PRKG1: variants seen among roughly 807,000 people sequenced by gnomAD.
The protein encoded by PRKG1 is cGMP-dependent protein kinase 1.
A neutral mutation model predicts 88.1 loss-of-function variants in PRKG1; 35 were observed. That is an observed-to-expected ratio of 0.40 (90% CI 0.30 to 0.53). The LOEUF (loss-of-function observed/expected upper bound fraction) is 0.53, where lower values mean the gene tolerates loss of function less well. Ranked by LOEUF, PRKG1 falls within the 20% of genes least tolerant of loss-of-function variation. The probability of loss-of-function intolerance (pLI) is 0.59; values close to 1 mark genes in which losing one functional copy is unlikely to be tolerated. For synonymous variants in PRKG1, 303 were observed against 292.5 expected (o/e 1.04, Z -0.37); for missense variants, 540 against 839.8 (o/e 0.64, Z 4.41).
intron 2 of PRKG1, among the ~76,000 whole-genome samples, chr10:51,423,710 A>G (rs1269615010): frequency 6.6e-6 from 1 of 152,150 alleles, no homozygotes; most frequent in Non-Finnish European, 1.5e-5. Flanking sequence ...CTATAGCATT[A>G]TTATTCCAAC....
chr10:51,591,106 G>T (rs747742939), intron 3 of PRKG1, among the ~76,000 whole-genome samples: 1 of 152,058 alleles, frequency 6.6e-6, no homozygotes, highest in Non-Finnish European at 1.5e-5. Context: ...GCCTGAACTC[G>T]GATTGAAGAA....
At chr10:51,948,636 T>A (rs1190976259) in intron 5 of PRKG1, among the ~76,000 whole-genome samples, 1 of 152,074 alleles carries the variant, frequency 6.6e-6, no homozygotes, top group East Asian at 1.9e-4. Context: ...CTTGGTGACC[T>A]GAGAAATAGA....
intron 2 of PRKG1, among the ~76,000 whole-genome samples, chr10:51,457,769 T>G (rs562132395): frequency 6.6e-6 from 1 of 152,258 alleles, no homozygotes; most frequent in South Asian, 2.1e-4. Context: ...TACGCATTAG[T>G]CTACCATCTT....
rs1846064148 is a variant in PRKG1, at chr10:52,054,526, A to G, written c.805A>G (p.Arg269Gly). The G allele has an allele frequency of 6.2e-7, 1 of 1,613,940 alleles. No homozygotes were observed. Among genetic ancestry groups the G allele is most frequent in the Non-Finnish European group, 8.5e-7 (1 of 1,179,920 alleles). ...AGAATATATTATCAGGCAAGGTGCA[A>G]GAGGGGACACCTTCTTTATCATCAG... ...NGEYIIRQGA[R>G]GDTFFIISKG... The change falls in exon 6 of 18, where the codon AGA becomes GGA. Residue 269 changes from arginine to glycine, a missense_variant. Coordinates refer to ENST00000373980, the MANE Select transcript of PRKG1 (RefSeq NM_006258.4).
At chr10:51,595,383 C>T (rs1443771893) in intron 3 of PRKG1, among the ~76,000 whole-genome samples, 1 of 152,082 alleles carries the variant, frequency 6.6e-6, no homozygotes, top group Non-Finnish European at 1.5e-5. Flanking sequence ...AATCCCAGAA[C>T]TTTGGGAGGT....
At chr10:52,047,989 G>A (rs10762548) in intron 5 of PRKG1, among the ~76,000 whole-genome samples, 24,230 of 151,890 alleles carry the variant, frequency 0.16, 2,009 homozygotes, top group East Asian at 0.29. Context: ...TAGTTGAGAT[G>A]TACATGAGAT....
At chr10:51,712,823 T>C (rs1181833026) in intron 3 of PRKG1, among the ~76,000 whole-genome samples, 2 of 152,076 alleles carry the variant, frequency 1.3e-5, no homozygotes, top group Non-Finnish European at 2.9e-5. Flanking sequence ...TCTCCTGACC[T>C]CATGATCCAC....
intron 4 of PRKG1, among the ~76,000 whole-genome samples, chr10:51,906,435 T>C (rs1842088085): frequency 6.6e-6 from 1 of 152,074 alleles, no homozygotes; most frequent in Non-Finnish European, 1.5e-5. Context: ...GGGACAGAAG[T>C]TACAGGCAGA....
At chr10:52,150,183 A>ATTATTATTATTATTATTATTATT (rs1554810291) in intron 8 of PRKG1, among the ~76,000 whole-genome samples, 5 of 147,994 alleles carry the variant, frequency 3.4e-5, no homozygotes, top group African/African-American at 1.2e-4. Flanking sequence ...TAATAATAAT[A>ATTATTATTATTATTATTATTATT]ATTTGATTGG....
intron 2 of PRKG1, among the ~76,000 whole-genome samples, chr10:51,188,599 A>C (rs909135584): frequency 6.6e-6 from 1 of 152,030 alleles, no homozygotes; most frequent in Non-Finnish European, 1.5e-5. Flanking sequence ...TTCAGAAAAC[A>C]ACTCGAGACA....
intron 4 of PRKG1, among the ~76,000 whole-genome samples, chr10:51,889,709 T>G (rs1160324822): frequency 5.9e-5 from 9 of 152,200 alleles, no homozygotes; most frequent in Admixed American, 3.9e-4. Context: ...CCACATCCTC[T>G]CCAGCACCTG....
chr10:51,584,127 T>C (rs1589106597), intron 3 of PRKG1, among the ~76,000 whole-genome samples: 2 of 152,124 alleles, frequency 1.3e-5, no homozygotes, highest in East Asian at 3.9e-4. Flanking sequence ...CATTAATTAA[T>C]TTGTTTCCAC....
chr10:51,723,143 T>G (rs1022835783), intron 3 of PRKG1, among the ~76,000 whole-genome samples: 2 of 152,230 alleles, frequency 1.3e-5, no homozygotes, highest in Non-Finnish European at 2.9e-5. Flanking sequence ...GAAAGGTAGA[T>G]ATGTCAAGGT....
At chr10:51,882,930 T>A (rs1156874623) in intron 4 of PRKG1, among the ~76,000 whole-genome samples, 1 of 152,180 alleles carries the variant, frequency 6.6e-6, no homozygotes, top group Non-Finnish European at 1.5e-5. Flanking sequence ...TCAACTTGAT[T>A]GGGCTAAGGG....
chr10:51,038,174 C>T (rs1372702211), intron 1 of PRKG1, among the ~76,000 whole-genome samples: 1 of 152,150 alleles, frequency 6.6e-6, no homozygotes, highest in Non-Finnish European at 1.5e-5. Context: ...ACACATTGCG[C>T]AAACTTTAAG....
chr10:51,002,470 G>A (rs1384182347), intron 1 of PRKG1, among the ~76,000 whole-genome samples: 2 of 152,148 alleles, frequency 1.3e-5, no homozygotes, highest in South Asian at 2.1e-4. Context: ...TAAGAGAATA[G>A]CAAAGTGTTT....
intron 2 of PRKG1, among the ~76,000 whole-genome samples, chr10:51,220,346 A>G (rs1435162085): frequency 1.3e-5 from 2 of 152,206 alleles, no homozygotes; most frequent in Non-Finnish European, 2.9e-5. Flanking sequence ...CTAAGAGATT[A>G]TAAGTGAGTG....
At chr10:52,254,491 T>G (rs1483042028) in intron 10 of PRKG1, among the ~76,000 whole-genome samples, 2 of 151,998 alleles carry the variant, frequency 1.3e-5, no homozygotes, top group Non-Finnish European at 2.9e-5. Flanking sequence ...TAAAATAGTA[T>G]TTTAAAAAAT....
At chr10:51,423,034 T>C (rs963308798) in intron 2 of PRKG1, among the ~76,000 whole-genome samples, 6 of 152,004 alleles carry the variant, frequency 3.9e-5, no homozygotes, top group Admixed American at 6.6e-5. Flanking sequence ...TCCTTACTTA[T>C]AGAAGCCAAA....
Sources: allele counts gnomAD v4.1 joint callset (sites outside exome capture counted in the v4.1 genomes callset), GRCh38; gene constraint gnomAD v4.1.1; transcripts MANE v1.5; gene names NCBI Gene and HGNC (gene_info 2026-07-23, HGNC 2026-07-21).